Variants in AGAP1 observed in about 807,000 individuals in gnomAD.
AGAP1 encodes the protein ArfGAP with GTPase domain, ankyrin repeat and PH domain 1, also known as arf-GAP with GTPase, ANK repeat and PH domain-containing protein 1.
Under a neutral mutation model 105.3 loss-of-function variants are expected in AGAP1, and 29 were observed. The observed-to-expected ratio is 0.28, with a 90% CI of 0.21 to 0.38. AGAP1 has a LOEUF of 0.38. AGAP1 is among the 10% of genes least tolerant of loss of function. The probability of loss-of-function intolerance (pLI) is 1.00; values close to 1 mark genes in which losing one functional copy is unlikely to be tolerated. For synonymous variants in AGAP1, 509 were observed against 485.9 expected (o/e 1.05, Z -0.63); for missense variants, 998 against 1,165.1 (o/e 0.86, Z 2.09).
At chr2:235,686,661 ATATAT>A (rs1559351263) in intron 1 of AGAP1, among the ~76,000 whole-genome samples, 5 of 48,436 alleles carry the variant, frequency 1.0e-4, no homozygotes, top group Admixed American at 2.7e-4. Context: ...ATATATATAT[ATATAT>A]TTTTTTTTTT....
intron 16 of AGAP1, among the ~76,000 whole-genome samples, chr2:236,071,376 G>T (rs995533254): frequency 6.6e-6 from 1 of 152,010 alleles, no homozygotes; most frequent in Non-Finnish European, 1.5e-5. Context: ...GCCACTCCTG[G>T]AAGGATTGGT....
chr2:235,920,056 G>A (rs776004129), intron 11 of AGAP1, among the ~76,000 whole-genome samples: 21 of 152,274 alleles, frequency 1.4e-4, no homozygotes, highest in African/African-American at 4.8e-4. Flanking sequence ...AGGAAGTGAC[G>A]ACGAACCGTC....
chr2:235,799,567 G>T lies in AGAP1; in HGVS notation c.957+45G>T. 1 of 1,599,988 alleles carries T rather than the reference G, an allele frequency of 6.3e-7. No homozygotes were observed. The highest frequency in any genetic ancestry group is 2.2e-5 in the East Asian group (1 of 44,658). ...GGAGATTTGAATGCGATTCCGAAGC[G>T]TTCCCATTAACGTAAACCTGGTTGC... On this transcript the variant is annotated intron_variant, in intron 8 of 17. Coordinates refer to ENST00000304032, the MANE Select transcript of AGAP1 (RefSeq NM_001037131.3). The surrounding 1 kb of genome is among the most constrained non-coding windows in gnomAD (Gnocchi z 5.0).
rs191604142 is a variant in AGAP1, at chr2:235,777,084, C to G, written c.674-20675C>G. On this transcript the variant is annotated intron_variant, in intron 6 of 17. Coordinates refer to ENST00000304032, the MANE Select transcript of AGAP1 (RefSeq NM_001037131.3). This position sits in a 1 kb window ranked among gnomAD's most constrained non-coding sequence, Gnocchi z 5.1. ...AGTATTAGACAGAAGTGATGCTGGG[C>G]GCGGTGGCTCATGCCTGTAATTCCA... 1,354 of 470,834 alleles carry G rather than the reference C, an allele frequency of 2.9e-3. 8 individuals carry two copies. Among genetic ancestry groups the G allele is most frequent in the Admixed American group, 6.0e-3 (255 of 42,574 alleles). The allele number at this position is 470,834 out of a possible 1,614,324, so 29.2% of individuals were successfully genotyped here. A position where few individuals can be genotyped will look rare whatever the true frequency, so the allele number is the denominator to read the frequency against.
chr2:235,654,560 G>T (rs1947712378), intron 1 of AGAP1, among the ~76,000 whole-genome samples: 1 of 152,232 alleles, frequency 6.6e-6, no homozygotes, highest in Non-Finnish European at 1.5e-5. Flanking sequence ...CACCAAGTCA[G>T]AGGTCATCCT....
At chr2:235,833,464 ACTCT>A (rs1428071234) in intron 9 of AGAP1, among the ~76,000 whole-genome samples, 3 of 151,878 alleles carry the variant, frequency 2.0e-5, no homozygotes, top group African/African-American at 7.3e-5. Context: ...GTTCAAGTTC[ACTCT>A]CTCTGAAACA....
intron 6 of AGAP1, among the ~76,000 whole-genome samples, chr2:235,790,401 G>A (rs1956903101): frequency 6.6e-6 from 1 of 152,028 alleles, no homozygotes; most frequent in South Asian, 2.1e-4. Flanking sequence ...GTGCTTCTCG[G>A]GAAACCGCTG....
intron 1 of AGAP1, among the ~76,000 whole-genome samples, chr2:235,698,839 T>G (rs1357007584): frequency 1.3e-5 from 2 of 152,224 alleles, no homozygotes; most frequent in African/African-American, 4.8e-5. Context: ...TTTTAAATTT[T>G]TATTGCTCTT....
intron 9 of AGAP1, among the ~76,000 whole-genome samples, chr2:235,812,258 G>A (rs888273242): frequency 1.5e-4 from 23 of 152,180 alleles, no homozygotes; most frequent in African/African-American, 5.3e-4. Flanking sequence ...TTTCCCAGCA[G>A]CCATCTGAAG....
chr2:235,590,172 C>T lies in AGAP1; in HGVS notation c.163+95323C>T, dbSNP rs183001405. On this transcript the variant is annotated intron_variant, in intron 1 of 17. Transcript: ENST00000304032. ...CTGGGATTCCAGGCGTGAGCCACCG[C>T]GCCCGGCCCTTTCTTTTCTCTCACT... Among the ~76,000 whole-genome samples the T allele has an allele frequency of 4.8e-3, 730 of 152,314 alleles. 5 individuals are homozygous for T. The highest frequency in any genetic ancestry group is 0.017 in the African/African-American group (706 of 41,562).
intron 9 of AGAP1, among the ~76,000 whole-genome samples, chr2:235,815,767 A>T (rs1958417632): frequency 6.6e-6 from 1 of 152,186 alleles, no homozygotes; most frequent in African/African-American, 2.4e-5. Context: ...TTCCATTGAA[A>T]CTTTCCTAAG....
At chr2:235,521,159 G>T (rs1448519310) in intron 1 of AGAP1, among the ~76,000 whole-genome samples, 1 of 152,198 alleles carries the variant, frequency 6.6e-6, no homozygotes, top group Non-Finnish European at 1.5e-5. Flanking sequence ...TGAGTTCAAC[G>T]TGCTGCAAAT....
At chr2:235,835,186 T>C (rs189172311) in intron 9 of AGAP1, among the ~76,000 whole-genome samples, 15 of 152,316 alleles carry the variant, frequency 9.8e-5, no homozygotes, top group African/African-American at 3.6e-4. Context: ...TAGCTTTCAG[T>C]AAGTGCCAGC....
rs181611453 is a variant in AGAP1 at position 235,980,550 on chromosome 2, G to A, written c.1645+11927G>A. Among the ~76,000 whole-genome samples the A allele has an allele frequency of 5.3e-5, 8 of 152,274 alleles. No individual in the cohort carries two copies. In the East Asian group the frequency reaches 1.2e-3, roughly 22 times the overall value. The stretch of plus-strand genomic sequence containing the variant: ...TTGCCGCTGAGCACACATGTTGAGC[G>A]TCGAGGACAGGTTCAATTATGTGGC... On this transcript the variant is annotated intron_variant, in intron 13 of 17. Coordinates refer to ENST00000304032, the MANE Select transcript of AGAP1 (RefSeq NM_001037131.3).
Position 235,680,985 on chromosome 2 carries a change from C to G in AGAP1, c.164-28194C>G, listed in dbSNP as rs1251329773. ...TACTTCCTCTCAGCTGGGCAGTTTG[C>G]TGGCCTCTGAAAATTCTAGCCCCCC... On this transcript the variant is annotated intron_variant, in intron 1 of 17. Transcript: ENST00000304032. Among the ~76,000 whole-genome samples, 4 of 152,238 alleles carry G rather than the reference C, an allele frequency of 2.6e-5. No individual in the cohort carries two copies. In the East Asian group the frequency reaches 7.8e-4, roughly 30 times the overall value.
rs1169058200 is a variant in AGAP1, at chr2:235,901,593, A to C, written c.1156-7145A>C. Among the ~76,000 whole-genome samples the C allele has an allele frequency of 6.6e-6, 1 of 152,178 alleles. No homozygotes were observed. On this transcript the variant is annotated intron_variant, in intron 10 of 17. Coordinates refer to ENST00000304032, the MANE Select transcript of AGAP1 (RefSeq NM_001037131.3). The surrounding 1 kb of genome is among the most constrained non-coding windows in gnomAD (Gnocchi z 4.3). ...TCAGGACCCCTTTATCTTTTTAAAA[A>C]TTATGGGCCAGGTGTGGTGGCTCAC...
chr2:235,754,766 TGGTCAGG>T lies in AGAP1; in HGVS notation c.673+4281_673+4287del, dbSNP rs911031474. ...ACCAGCTTCCCACACACTGTGCGTC[TGGTCAGG>T]GGCTAGAGGCAGATTGGGAAGCGCA... On this transcript the variant is annotated intron_variant, in intron 6 of 17. Transcript: ENST00000304032. The surrounding 1 kb of genome is among the most constrained non-coding windows in gnomAD (Gnocchi z 4.6). 7.9e-5 allele frequency among the ~76,000 whole-genome samples: 12 copies of T among 152,210 alleles called. No individual in the cohort carries two copies. Among genetic ancestry groups the T allele is most frequent in the African/African-American group, 2.9e-4 (12 of 41,458 alleles).
At position 235,538,802 on chromosome 2, in the gene AGAP1, G is replaced by C. The variant is rs1462166426; in HGVS notation, c.163+43953G>C. On this transcript the variant is annotated intron_variant, in intron 1 of 17. Coordinates refer to ENST00000304032, the MANE Select transcript of AGAP1 (RefSeq NM_001037131.3). ...ATAGGATTTAGTATCCTGGAGCCAG[G>C]CTTGGAATTCTAGTGTGGGAAAGCT... 5.9e-5 allele frequency among the ~76,000 whole-genome samples: 9 copies of C among 152,204 alleles called. No individual in the cohort carries two copies. The East Asian group carries it at 1.5e-3, about 26-fold the overall frequency.
At chr2:235,771,604 C>T (rs533550708) in intron 6 of AGAP1, among the ~76,000 whole-genome samples, 2 of 152,220 alleles carry the variant, frequency 1.3e-5, no homozygotes, top group East Asian at 1.9e-4. Flanking sequence ...GAGTGATCCC[C>T]ACCTGGAGAG....
Sources: allele counts gnomAD v4.1 joint callset (sites outside exome capture counted in the v4.1 genomes callset), GRCh38; gene constraint gnomAD v4.1.1; non-coding constraint Gnocchi (gnomAD v3.1); transcripts MANE v1.5; gene names NCBI Gene and HGNC (gene_info 2026-07-23, HGNC 2026-07-21).